HPD: variants seen among roughly 807,000 people sequenced by gnomAD.
HPD encodes 4-hydroxyphenylpyruvic acid oxidase.
A neutral mutation model predicts 56.9 loss-of-function variants in HPD; 35 were observed. The observed-to-expected ratio is 0.62, with a 90% CI of 0.47 to 0.82. HPD has a LOEUF of 0.82. Ranked by LOEUF, HPD falls within the 40% of genes least tolerant of loss-of-function variation. The pLI, the probability that HPD is intolerant of heterozygous loss-of-function variation, is 0.00. For missense variants in HPD, 442 were observed against 506.8 expected (o/e 0.87, Z 1.23); for synonymous variants, 186 against 200.2 (o/e 0.93, Z 0.60).
chr12:121,842,406 TAGG>T (rs1337394745), intron 12 of HPD, among the ~76,000 whole-genome samples: 2 of 152,102 alleles, frequency 1.3e-5, no homozygotes, highest in East Asian at 3.9e-4. Context: ...GCTGGGATTA[TAGG>T]TGTGAGCCAC....
At chr12:121,856,463 G>A in intron 5 of HPD, 57 bp from the exon 6 acceptor site, 13 of 1,598,088 alleles carry the variant, frequency 8.1e-6, no homozygotes, top group Non-Finnish European at 1.1e-5. Flanking sequence ...CCCCTCACCT[G>A]GCTTTTAGTC....
At chr12:121,858,198 A>C (rs116938437) in intron 2 of HPD, among the ~76,000 whole-genome samples, 243 of 152,146 alleles carry the variant, frequency 1.6e-3, no homozygotes, top group South Asian at 4.2e-3. Context: ...GTTTTGCTCT[A>C]TTGCCCAGGC....
chr12:121,862,926 C>G (rs190982987), upstream of HPD, among the ~76,000 whole-genome samples: 1 of 151,132 alleles, frequency 6.6e-6, no homozygotes, highest in Admixed American at 6.6e-5. Context: ...GTGATTCGCT[C>G]GCCTTGGCCT....
At chr12:121,884,912 G>A in the HPD span, among the ~76,000 whole-genome samples, 10 of 151,752 alleles carry the variant, frequency 6.6e-5, no homozygotes, top group East Asian at 3.9e-4. Flanking sequence ...TTCTTGAGAC[G>A]GAGTCTCACT....
the HPD span, among the ~76,000 whole-genome samples, chr12:121,880,423 TGA>T: frequency 6.6e-6 from 1 of 152,120 alleles, no homozygotes; most frequent in Non-Finnish European, 1.5e-5. Context: ...CTTGAACTCC[TGA>T]CCTCGTGATC....
Position 121,856,304 on chromosome 12 carries a change from C to A in HPD, c.324+20G>T, listed in dbSNP as rs147479059. ...CAGACGGAGGCCTTCCTCTCTCAGT[C>A]CACCCAGGTGCTTTCTTACCTGCAC... On this transcript the variant is annotated intron_variant, in intron 6 of 13. Coordinates refer to ENST00000289004, the MANE Select transcript of HPD (RefSeq NM_002150.3). 19 of 1,604,594 alleles carry A rather than the reference C, an allele frequency of 1.2e-5. No homozygotes were observed. Among genetic ancestry groups the A allele is most frequent in the Admixed American group, 6.7e-5 (4 of 59,980 alleles).
At chr12:121,852,876 C>G (rs111865858) in intron 7 of HPD, among the ~76,000 whole-genome samples, 2,044 of 152,032 alleles carry the variant, frequency 0.013, 49 homozygotes, top group African/African-American at 0.046. Flanking sequence ...AAGTGATTCG[C>G]CCGCCTCAGC....
At chr12:121,882,195 C>T in the HPD span, among the ~76,000 whole-genome samples, 12 of 152,050 alleles carry the variant, frequency 7.9e-5, no homozygotes, top group African/African-American at 2.2e-4. Context: ...ATTCAGGAAA[C>T]GAGGGGAGGA....
intron 7 of HPD, 25 bp from the exon 8 acceptor site, chr12:121,849,815 C>G (rs368564039): frequency 1.3e-6 from 2 of 1,530,850 alleles, no homozygotes; most frequent in South Asian, 1.1e-5. Context: ...CAGCCTGGCT[C>G]GGCCCCTGGG....
chr12:121,846,791 C>G lies in HPD; in HGVS notation c.831+71G>C, dbSNP rs1877598558. On this transcript the variant is annotated intron_variant, in intron 11 of 13. Transcript: ENST00000289004. ...GGGCCCAGGACTGCCGCCACCCGCC[C>G]TCTCAATTTTGCAGAGATCGTCCCT... The G allele has an allele frequency of 2.7e-6, 4 of 1,456,806 alleles. No individual in the cohort carries two copies. In the South Asian group the frequency reaches 4.7e-5, roughly 17 times the overall value. 90.2% of individuals were successfully genotyped at this position (1,456,806 alleles called of 1,614,324 possible).
intron 2 of HPD, among the ~76,000 whole-genome samples, chr12:121,858,327 G>A (rs953460193): frequency 1.2e-4 from 18 of 152,250 alleles, no homozygotes; most frequent in African/African-American, 4.1e-4. Context: ...TGGGATTACA[G>A]GGGTGCGCTA....
At chr12:121,857,656 C>G (rs1878053685) in intron 3 of HPD, 101 bp downstream of exon 3, 2 of 1,072,252 alleles carry the variant, frequency 1.9e-6, no homozygotes, top group African/African-American at 3.1e-5. Context: ...CCTGATCCTC[C>G]CTCCCAAGGG....
At chr12:121,880,851 G>A in the HPD span, among the ~76,000 whole-genome samples, 1 of 152,130 alleles carries the variant, frequency 6.6e-6, no homozygotes, top group Admixed American at 6.6e-5. Flanking sequence ...CTGGTGTGCA[G>A]TGGCGTGACC....
chr12:121,856,500 C>T (rs1878002833), intron 5 of HPD, 83 bp downstream of exon 5: 23 of 1,592,772 alleles, frequency 1.4e-5, no homozygotes, highest in Admixed American at 3.3e-5. Flanking sequence ...ACCCAGAGCC[C>T]ACCCACGGAG....
chr12:121,849,256 T>C (rs1485260991), intron 8 of HPD, among the ~76,000 whole-genome samples, 180 bp from the exon 9 acceptor site: 1 of 151,832 alleles, frequency 6.6e-6, no homozygotes, highest in Non-Finnish European at 1.5e-5. Flanking sequence ...TCTAAAACTC[T>C]GGGGCTCAAG....
At chr12:121,843,231 C>T (rs912292911) in intron 12 of HPD, among the ~76,000 whole-genome samples, 5 of 152,218 alleles carry the variant, frequency 3.3e-5, no homozygotes, top group Non-Finnish European at 5.9e-5. Flanking sequence ...TAATAGCTCA[C>T]AAGAGGAACT....
At chr12:121,863,173 A>G (rs1439920570), upstream of HPD, among the ~76,000 whole-genome samples, 3 of 151,930 alleles carry the variant, frequency 2.0e-5, no homozygotes, top group African/African-American at 7.3e-5. Context: ...TATCAGAGAC[A>G]GGGCTTCGCC....
upstream of HPD, among the ~76,000 whole-genome samples, chr12:121,864,606 C>G (rs1878273796): frequency 6.7e-6 from 1 of 149,992 alleles, no homozygotes; most frequent in African/African-American, 2.5e-5. Flanking sequence ...GTAATCCCAG[C>G]ACTTTGGGAG....
intron 10 of HPD, 51 bp downstream of exon 10, chr12:121,847,001 C>A (rs375453752): frequency 9.9e-6 from 16 of 1,612,176 alleles, no homozygotes; most frequent in Non-Finnish European, 1.4e-5. Context: ...CCTACAAGAG[C>A]CCCCAGACCT....
Sources: gnomAD v4.1 joint callset for allele counts (sites outside exome capture counted in the v4.1 genomes callset) on GRCh38, gnomAD v4.1.1 for gene constraint, MANE v1.5 for transcripts, NCBI Gene and HGNC (gene_info 2026-07-23, HGNC 2026-07-21) for gene names.